PKP4: variants seen among roughly 807,000 people sequenced by gnomAD.
PKP4 encodes plakophilin 4.
In PKP4, 90 loss-of-function variants were observed where a neutral mutation model predicts 145.1. The ratio of observed to expected loss-of-function variants is 0.62; its 90% CI spans 0.52 to 0.74. The LOEUF is 0.74. PKP4 is among the 30% of genes least tolerant of loss of function. PKP4 has a pLI of 0.00. For synonymous variants in PKP4, 563 were observed against 577.2 expected (o/e 0.98, Z 0.35); for missense variants, 1,340 against 1,482.7 (o/e 0.90, Z 1.58).
At chr2:158,644,140 T>A (rs1273485975) in intron 11 of PKP4, among the ~76,000 whole-genome samples, 4 of 152,202 alleles carry the variant, frequency 2.6e-5, no homozygotes, top group Non-Finnish European at 4.4e-5. Context: ...GCATGGCCAG[T>A]TTAGGCCTTT....
intron 1 of PKP4, among the ~76,000 whole-genome samples, chr2:158,473,223 G>T (rs1201399158): frequency 3.3e-5 from 5 of 152,188 alleles, no homozygotes; most frequent in African/African-American, 1.2e-4. Context: ...GTGTATGTTA[G>T]TTCAACCATT....
intron 1 of PKP4, among the ~76,000 whole-genome samples, chr2:158,513,377 G>A (rs1035530508): frequency 2.6e-5 from 4 of 152,136 alleles, no homozygotes; most frequent in African/African-American, 9.7e-5. Context: ...GAGCAGGATG[G>A]CAATACCCGA....
intron 2 of PKP4, among the ~76,000 whole-genome samples, chr2:158,543,834 C>CT (rs1470732568): frequency 6.6e-6 from 1 of 152,116 alleles, no homozygotes; most frequent in East Asian, 1.9e-4. Flanking sequence ...CGTGGTTACT[C>CT]TTACCCAGAA....
intron 4 of PKP4, among the ~76,000 whole-genome samples, chr2:158,605,832 A>G (rs2050611078): frequency 6.6e-6 from 1 of 152,122 alleles, no homozygotes; most frequent in Admixed American, 6.5e-5. Context: ...CCACTAATCT[A>G]TTGTACTTTC....
intron 13 of PKP4, 194 bp downstream of exon 13, chr2:158,661,644 C>T (rs1023400136): frequency 4.0e-5 from 19 of 474,096 alleles, no homozygotes; most frequent in Non-Finnish European, 6.2e-5. Flanking sequence ...TCCTGAGAAC[C>T]GTGAGAACAG....
intron 19 of PKP4, among the ~76,000 whole-genome samples, chr2:158,674,390 A>G (rs948917345): frequency 6.6e-6 from 1 of 152,172 alleles, no homozygotes. Context: ...TAAGGTTGGA[A>G]TCTCCTCCAA....
intron 2 of PKP4, among the ~76,000 whole-genome samples, chr2:158,571,226 C>T (rs556483313): frequency 1.3e-5 from 2 of 152,212 alleles, no homozygotes; most frequent in Non-Finnish European, 2.9e-5. Flanking sequence ...AAATTGACAA[C>T]TGAGCTAGAT....
At chr2:158,533,403 A>G (rs778146134) in intron 2 of PKP4, 87 bp downstream of exon 2, 1 of 1,430,712 alleles carries the variant, frequency 7.0e-7, no homozygotes, top group Non-Finnish European at 9.7e-7. Context: ...AATTTGTGTA[A>G]CGTCCTTGAC....
chr2:158,467,085 G>A (rs1459831229), intron 1 of PKP4, among the ~76,000 whole-genome samples: 3 of 152,062 alleles, frequency 2.0e-5, no homozygotes, highest in African/African-American at 7.2e-5. Flanking sequence ...TGACCTAGTT[G>A]GTATAGTAAG....
chr2:158,565,334 GA>G (rs1289258927), intron 2 of PKP4, among the ~76,000 whole-genome samples: 1 of 151,528 alleles, frequency 6.6e-6, no homozygotes, highest in Admixed American at 6.6e-5. Flanking sequence ...AAGAGAAAAA[GA>G]ATTCTCAATA....
intron 7 of PKP4, among the ~76,000 whole-genome samples, chr2:158,630,969 G>T (rs959515044): frequency 5.3e-4 from 75 of 142,124 alleles, no homozygotes; most frequent in African/African-American, 1.8e-3. Flanking sequence ...ACGGCGTCTT[G>T]CTCTGTTGCC....
intron 2 of PKP4, 61 bp downstream of exon 2, chr2:158,533,377 C>T: frequency 1.3e-6 from 2 of 1,575,654 alleles, no homozygotes; most frequent in African/African-American, 1.3e-5. Context: ...AAAAATTAAT[C>T]TTTGGATATG....
At chr2:158,605,287 C>CT (rs1399007048) in intron 4 of PKP4, among the ~76,000 whole-genome samples, 1 of 152,148 alleles carries the variant, frequency 6.6e-6, no homozygotes, top group Admixed American at 6.5e-5. Context: ...TCTTTTTTCT[C>CT]TCCTACTTCA....
chr2:158,663,690 GCA>G (rs1368971996), intron 15 of PKP4, among the ~76,000 whole-genome samples: 1 of 152,176 alleles, frequency 6.6e-6, no homozygotes, highest in Non-Finnish European at 1.5e-5. Context: ...GATGGTGCCA[GCA>G]CAGTGTAGAA....
At chr2:158,560,959 T>C (rs2046462303) in intron 2 of PKP4, among the ~76,000 whole-genome samples, 1 of 152,240 alleles carries the variant, frequency 6.6e-6, no homozygotes, top group Non-Finnish European at 1.5e-5. Context: ...TAAAGAGGCT[T>C]ACAAGTTGTT....
At chr2:158,501,836 A>C (rs921712709) in intron 1 of PKP4, among the ~76,000 whole-genome samples, 2 of 138,682 alleles carry the variant, frequency 1.4e-5, no homozygotes, top group African/African-American at 5.0e-5. Flanking sequence ...TTGGCTAGGT[A>C]AGGTTTTCCT....
chr2:158,477,064 T>C (rs1324723836), intron 1 of PKP4, among the ~76,000 whole-genome samples: 1 of 152,224 alleles, frequency 6.6e-6, no homozygotes, highest in Non-Finnish European at 1.5e-5. Flanking sequence ...TGGACAATTT[T>C]TTTTTTGCTT....
intron 1 of PKP4, among the ~76,000 whole-genome samples, chr2:158,465,540 A>G (rs1690476709): frequency 6.6e-6 from 1 of 152,172 alleles, no homozygotes; most frequent in African/African-American, 2.4e-5. Context: ...TTTTTCATGC[A>G]GCAGTATTTT....
chr2:158,666,539 G>A lies in PKP4; in HGVS notation c.2704G>A (p.Asp902Asn). The A allele has an allele frequency of 1.2e-6, 2 of 1,612,798 alleles. No homozygotes were observed. The highest frequency in any genetic ancestry group is 1.7e-6 in the Non-Finnish European group (2 of 1,179,482). Residue 902 changes from aspartate to asparagine, a missense_variant, in exon 16 of 22, where the codon GAT (aspartate) becomes AAT (asparagine). Coordinates refer to ENST00000389759, the MANE Select transcript of PKP4 (RefSeq NM_003628.6). Reference protein sequence around the residue: ...VATALRNMALDVRNKELIGKY... With the variant: ...VATALRNMALNVRNKELIGKY... The stretch of plus-strand genomic sequence containing the variant: ...AACAGCCTTGAGGAATATGGCACTA[G>A]ATGTTCGCAACAAGGAGCTCATAGG...
Sources: gnomAD v4.1 joint callset for allele counts (sites outside exome capture counted in the v4.1 genomes callset) on GRCh38, gnomAD v4.1.1 for gene constraint, MANE v1.5 for transcripts, NCBI Gene and HGNC (gene_info 2026-07-23, HGNC 2026-07-21) for gene names.